The following SVEP1 variants were observed in gnomAD, a reference collection of about 807,000 sequenced individuals.
SVEP1 encodes sushi, von Willebrand factor type A, EGF and pentraxin domain-containing protein 1.
In SVEP1, 164 loss-of-function variants were observed where a neutral mutation model predicts 367.3. That is an observed-to-expected ratio of 0.45 (90% CI 0.39 to 0.51). The LOEUF (loss-of-function observed/expected upper bound fraction) is 0.51. SVEP1 is among the 20% of genes least tolerant of loss of function. The probability of loss-of-function intolerance (pLI) is 0.00; values close to 1 mark genes in which losing one functional copy is unlikely to be tolerated. For missense variants in SVEP1, 4,117 were observed against 4,425.3 expected (o/e 0.93, Z 1.98); for synonymous variants, 1,666 against 1,611.6 (o/e 1.03, Z -0.81).
At chr9:110,531,858 T>A (rs532282623) in intron 3 of SVEP1, among the ~76,000 whole-genome samples, 8 of 152,338 alleles carry the variant, frequency 5.3e-5, no homozygotes, top group Non-Finnish European at 1.0e-4. Context: ...TGCACTACTG[T>A]GGTTTTAGGA....
chr9:110,394,354 G>C (rs7027386), intron 40 of SVEP1, among the ~76,000 whole-genome samples: 1 of 151,882 alleles, frequency 6.6e-6, no homozygotes, highest in Non-Finnish European at 1.5e-5. Flanking sequence ...CCATCTGTAC[G>C]TCACCATCAT....
intron 3 of SVEP1, among the ~76,000 whole-genome samples, chr9:110,539,222 G>A (rs1303977900): frequency 6.6e-6 from 1 of 152,024 alleles, no homozygotes. Context: ...TTATGAAGGA[G>A]GAACAAAGAC....
intron 36 of SVEP1, among the ~76,000 whole-genome samples, chr9:110,424,360 A>T (rs1420671449): frequency 6.6e-6 from 1 of 151,136 alleles, no homozygotes; most frequent in Non-Finnish European, 1.5e-5. Context: ...TAAAAAAAAT[A>T]AGGTTAAGTG....
At chr9:110,577,595 T>C (rs1353353920) in intron 1 of SVEP1, among the ~76,000 whole-genome samples, 1 of 152,160 alleles carries the variant, frequency 6.6e-6, no homozygotes, top group Non-Finnish European at 1.5e-5. Context: ...AAATGTTTGA[T>C]AGATTTGAGT....
chr9:110,393,218 A>T (rs1827694833), intron 40 of SVEP1, among the ~76,000 whole-genome samples: 1 of 152,214 alleles, frequency 6.6e-6, no homozygotes, highest in South Asian at 2.1e-4. Flanking sequence ...ATGAAGAACG[A>T]GGTTTCAAAA....
At chr9:110,462,658 C>G (rs1443369207) in intron 18 of SVEP1, among the ~76,000 whole-genome samples, 2 of 151,332 alleles carry the variant, frequency 1.3e-5, no homozygotes, top group Non-Finnish European at 2.9e-5. Flanking sequence ...GCCAAAGAAA[C>G]TAGTCTCCCG....
chr9:110,403,296 G>GTCTTTTTTTTTTTT (rs1827893050), intron 39 of SVEP1, among the ~76,000 whole-genome samples: 1 of 43,454 alleles, frequency 2.3e-5, no homozygotes, highest in African/African-American at 1.2e-4. Context: ...CGCCACCGCC[G>GTCTTTTTTTTTTTT]TTTTTTTTTT....
chr9:110,515,296 A>AT lies in SVEP1; in HGVS notation c.965-1191dup, dbSNP rs56032828. Among the ~76,000 whole-genome samples the AT allele has an allele frequency of 8.9e-3, 904 of 101,470 alleles. 12 individuals are homozygous for AT. Among genetic ancestry groups the AT allele is most frequent in the Non-Finnish European group, 0.015 (730 of 50,216 alleles). The allele number at this position is 101,470 out of a possible 152,430, so 66.6% of individuals were successfully genotyped here. On this transcript the variant is annotated intron_variant, in intron 3 of 47. Coordinates refer to ENST00000374469, the MANE Select transcript of SVEP1 (RefSeq NM_153366.4). The stretch of plus-strand genomic sequence containing the variant: ...CCAAGCAATGTGCATTTATGTGGGG[A>AT]TTTTTTTTTTTTTTTTTTTTTTGAG...
At chr9:110,466,986 T>C (rs1332366585) in intron 17 of SVEP1, among the ~76,000 whole-genome samples, 1 of 152,096 alleles carries the variant, frequency 6.6e-6, no homozygotes, top group Non-Finnish European at 1.5e-5. Flanking sequence ...TACTGGCCTT[T>C]CTTTCTGCTT....
intron 17 of SVEP1, among the ~76,000 whole-genome samples, chr9:110,466,476 C>A (rs35188549): frequency 0.062 from 9,457 of 152,062 alleles, 415 homozygotes; most frequent in Non-Finnish European, 0.087. Flanking sequence ...AAAGAACTGG[C>A]GGCCGGGCAC....
Position 110,404,567 on chromosome 9 carries a change from C to CA in SVEP1, c.9441-16dup. The CA allele has an allele frequency of 1.9e-6, 3 of 1,607,590 alleles. No homozygotes were observed. Among genetic ancestry groups the CA allele is most frequent in the Non-Finnish European group, 8.5e-7 (1 of 1,175,730 alleles). ...CTTCCAGACATCTGCAATGGAAATG[C>CA]AAAAATGAGTGCCTTAAATGAAGTA... On this transcript the variant is annotated splice_polypyrimidine_tract_variant and intron_variant, in intron 38 of 47. Coordinates refer to ENST00000374469, the MANE Select transcript of SVEP1 (RefSeq NM_153366.4).
chr9:110,493,700 C>T (rs2118734124), intron 8 of SVEP1, among the ~76,000 whole-genome samples: 1 of 152,258 alleles, frequency 6.6e-6, no homozygotes, highest in African/African-American at 2.4e-5. Context: ...CCACTGCACT[C>T]CAGCCTGGGG....
At chr9:110,390,274 C>CACA (rs1564127448) in intron 40 of SVEP1, among the ~76,000 whole-genome samples, 1 of 90,654 alleles carries the variant, frequency 1.1e-5, no homozygotes. Context: ...TATATATATA[C>CACA]TTATATATAT....
chr9:110,440,539 A>C (rs957350190), intron 27 of SVEP1, among the ~76,000 whole-genome samples: 1 of 152,248 alleles, frequency 6.6e-6, no homozygotes, highest in Admixed American at 6.5e-5. Context: ...AAATTCATGC[A>C]TAAATACTTT....
At chr9:110,403,290 AC>A (rs1827891452) in intron 39 of SVEP1, among the ~76,000 whole-genome samples, 1 of 66,836 alleles carries the variant, frequency 1.5e-5, no homozygotes, top group African/African-American at 1.3e-4. Context: ...CTTCCCCGCC[AC>A]CGCCGTTTTT....
At chr9:110,528,918 C>T (rs1030818311) in intron 3 of SVEP1, among the ~76,000 whole-genome samples, 2 of 151,342 alleles carry the variant, frequency 1.3e-5, no homozygotes, top group East Asian at 3.9e-4. Context: ...GTTGCATTTG[C>T]TTTTGGAGTC....
At chr9:110,569,658 A>G (rs527544286) in intron 1 of SVEP1, among the ~76,000 whole-genome samples, 1 of 152,240 alleles carries the variant, frequency 6.6e-6, no homozygotes, top group Admixed American at 6.5e-5. Flanking sequence ...ACTTCCCTTA[A>G]ATTATTTTTT....
chr9:110,478,313 A>G (rs1291119960), intron 13 of SVEP1, among the ~76,000 whole-genome samples: 1 of 152,192 alleles, frequency 6.6e-6, no homozygotes, highest in African/African-American at 2.4e-5. Context: ...TTGTTGGTCT[A>G]TTCATTAACA....
intron 27 of SVEP1, chr9:110,442,497 A>G (rs1419785892): frequency 1.4e-5 from 2 of 139,404 alleles, no homozygotes; most frequent in African/African-American, 5.4e-5. Context: ...GCCTCTCTCC[A>G]TTGCCCAGGC....
Sources: allele counts gnomAD v4.1 joint callset (sites outside exome capture counted in the v4.1 genomes callset), GRCh38; gene constraint gnomAD v4.1.1; transcripts MANE v1.5; gene names NCBI Gene and HGNC (gene_info 2026-07-23, HGNC 2026-07-21).